Variants in B4GALT6 observed in about 807,000 individuals in gnomAD.
B4GALT6 encodes UDP-Gal:beta-GlcNAc beta-1,4-galactosyltransferase 6.
Under a neutral mutation model 46.3 loss-of-function variants are expected in B4GALT6, and 14 were observed. The observed-to-expected ratio is 0.30, with a 90% CI of 0.20 to 0.47. The LOEUF (loss-of-function observed/expected upper bound fraction) is 0.47, where lower values mean the gene tolerates loss of function less well. B4GALT6 is among the 20% of genes least tolerant of loss of function. B4GALT6 has a pLI of 0.99. For synonymous variants in B4GALT6, 168 were observed against 162.0 expected (o/e 1.04, Z -0.28); for missense variants, 386 against 480.1 (o/e 0.80, Z 1.83).
chr18:31,631,200 C>CTTT (rs10657836), intron 5 of B4GALT6, 54 bp from the exon 6 acceptor site: 12,584 of 1,142,898 alleles, frequency 0.011, 6 homozygotes, highest in African/African-American at 0.016. Flanking sequence ...ACTTCATCAT[C>CTTT]TTTTTTTTTT....
chr18:31,683,234 A>T (rs1351196320), intron 1 of B4GALT6, among the ~76,000 whole-genome samples: 2 of 152,122 alleles, frequency 1.3e-5, no homozygotes, highest in African/African-American at 4.8e-5. Context: ...AATCTACTAC[A>T]CTCAAGACAA....
chr18:31,647,795 G>C (rs2074009801), intron 3 of B4GALT6, among the ~76,000 whole-genome samples: 1 of 152,162 alleles, frequency 6.6e-6, no homozygotes, highest in Non-Finnish European at 1.5e-5. Flanking sequence ...AGAGTGGCCA[G>C]GAAGAAGTAT....
intron 3 of B4GALT6, among the ~76,000 whole-genome samples, chr18:31,655,561 G>C (rs1008884281): frequency 6.6e-6 from 1 of 152,160 alleles, no homozygotes. Flanking sequence ...TGGGGCGGGA[G>C]GAGAGGAGTA....
At chr18:31,681,675 G>A (rs920899490) in intron 1 of B4GALT6, among the ~76,000 whole-genome samples, 2 of 152,162 alleles carry the variant, frequency 1.3e-5, no homozygotes, top group African/African-American at 4.8e-5. Context: ...TGGCAAAGAA[G>A]AGGAACTAAA....
upstream of B4GALT6, among the ~76,000 whole-genome samples, chr18:31,687,026 A>G (rs2029947577): frequency 6.6e-6 from 1 of 152,258 alleles, no homozygotes; most frequent in Non-Finnish European, 1.5e-5. Flanking sequence ...TGAAGACTGT[A>G]CAGATGAACC....
chr18:31,674,804 T>C lies in B4GALT6; in HGVS notation c.116-8432A>G, dbSNP rs576882377. 1.2e-3 allele frequency among the ~76,000 whole-genome samples: 190 copies of C among 152,294 alleles called. 1 individual carries two copies. The highest frequency in any genetic ancestry group is 2.1e-3 in the Non-Finnish European group (141 of 68,010). On this transcript the variant is annotated intron_variant, in intron 1 of 8. Transcript: ENST00000306851. ...CACCTAGGACTAAGGAAGGTATTACTTGGATTAAAAACAAAAAATAACAAA... is the reference window on the plus strand; with the variant it reads ...CACCTAGGACTAAGGAAGGTATTACCTGGATTAAAAACAAAAAATAACAAA...
Position 31,684,495 on chromosome 18 carries a change from A to C in B4GALT6, c.-69T>G, listed in dbSNP as rs561043155. On this transcript the variant is annotated 5_prime_UTR_variant, in exon 1 of 9. It removes the in-frame stop codon of an upstream open reading frame in the 5' UTR. Coordinates refer to ENST00000306851, the MANE Select transcript of B4GALT6 (RefSeq NM_004775.5). ...GACTCGGGGCCACTGTCCAGGCCCTAAACTTCCATAAATGTGCTGAGAACC... is the reference window on the plus strand; with the variant it reads ...GACTCGGGGCCACTGTCCAGGCCCTCAACTTCCATAAATGTGCTGAGAACC... 2 of 1,566,902 alleles carry C rather than the reference A, an allele frequency of 1.3e-6. No individual in the cohort carries two copies. The highest frequency in any genetic ancestry group is 1.9e-5 in the Admixed American group (1 of 52,988).
intron 1 of B4GALT6, among the ~76,000 whole-genome samples, chr18:31,679,656 T>A: frequency 6.6e-6 from 1 of 152,184 alleles, no homozygotes; most frequent in East Asian, 1.9e-4. Flanking sequence ...ACCTACATGA[T>A]GAAGACAATC....
the B4GALT6 span, among the ~76,000 whole-genome samples, chr18:31,717,717 G>T: frequency 6.6e-5 from 10 of 152,088 alleles, no homozygotes; most frequent in East Asian, 1.5e-3. Flanking sequence ...CACTTTGGGA[G>T]GCCGAGGCAG....
At chr18:31,713,529 A>G in the B4GALT6 span, among the ~76,000 whole-genome samples, 3,702 of 152,176 alleles carry the variant, frequency 0.024, 158 homozygotes, top group African/African-American at 0.085. Flanking sequence ...ACTTGCCCAA[A>G]CTTGTCCATT....
At chr18:31,694,539 T>G in the B4GALT6 span, among the ~76,000 whole-genome samples, 1 of 152,318 alleles carries the variant, frequency 6.6e-6, no homozygotes, top group South Asian at 2.1e-4. Flanking sequence ...AAACAGCCAG[T>G]ATACCAAGGA....
At chr18:31,630,931 A>T in intron 6 of B4GALT6, 28 bp downstream of exon 6, 1 of 1,610,026 alleles carries the variant, frequency 6.2e-7, no homozygotes, top group Middle Eastern at 1.7e-4. Context: ...TATATCGTAC[A>T]ATATCAGGAA....
chr18:31,709,599 GTGTGTA>G, the B4GALT6 span, among the ~76,000 whole-genome samples: 61 of 80,652 alleles, frequency 7.6e-4, no homozygotes, highest in East Asian at 2.1e-3. Context: ...GTGTGTGTGT[GTGTGTA>G]TATATATATC....
chr18:31,677,025 T>C (rs1157641361), intron 1 of B4GALT6, among the ~76,000 whole-genome samples: 1 of 152,226 alleles, frequency 6.6e-6, no homozygotes, highest in African/African-American at 2.4e-5. Context: ...CTTTTGAATA[T>C]ACCACAATTC....
chr18:31,630,948 A>G lies in B4GALT6; in HGVS notation c.776+11T>C. The G allele has an allele frequency of 6.2e-7, 1 of 1,613,796 alleles. No homozygotes were observed. The highest frequency in any genetic ancestry group is 1.1e-5 in the South Asian group (1 of 91,070). ...TATCGTACAATATCAGGAATAGTGC[A>G]CACTACTTACATATACATGTATTTA... On this transcript the variant is annotated intron_variant, in intron 6 of 8. Transcript: ENST00000306851.
chr18:31,654,579 T>A (rs2074115494), intron 3 of B4GALT6, among the ~76,000 whole-genome samples: 1 of 152,226 alleles, frequency 6.6e-6, no homozygotes, highest in South Asian at 2.1e-4. Context: ...GTTTGAAAAA[T>A]TCACTTTATC....
chr18:31,685,281 G>A (rs373185400), upstream of B4GALT6, among the ~76,000 whole-genome samples: 83 of 143,166 alleles, frequency 5.8e-4, no homozygotes, highest in East Asian at 0.017. Flanking sequence ...ACCAGGCGAA[G>A]AGCAACCGGG....
In B4GALT6 at chr18:31,684,557, G is replaced by C; in HGVS notation, c.-131C>G. The C allele has an allele frequency of 6.8e-7, 1 of 1,468,400 alleles. No individual in the cohort carries two copies. Among genetic ancestry groups the C allele is most frequent in the Non-Finnish European group, 9.0e-7 (1 of 1,108,134 alleles). 91.0% of individuals were successfully genotyped at this position (1,468,400 alleles called of 1,614,324 possible). A position where few individuals can be genotyped will look rare whatever the true frequency, so the allele number is the denominator to read the frequency against. ...GCGGGGTCCGCGCGGGGAGGCTCTGGGGAGAGGGCCCGAGCGGAAAAGAGG... is the reference window on the plus strand; with the variant it reads ...GCGGGGTCCGCGCGGGGAGGCTCTGCGGAGAGGGCCCGAGCGGAAAAGAGG... On this transcript the variant is annotated 5_prime_UTR_variant, in exon 1 of 9. Coordinates refer to ENST00000306851, the MANE Select transcript of B4GALT6 (RefSeq NM_004775.5).
chr18:31,710,582 G>T, the B4GALT6 span, among the ~76,000 whole-genome samples: 1 of 152,048 alleles, frequency 6.6e-6, no homozygotes, highest in Admixed American at 6.6e-5. Flanking sequence ...CACAAGAAAC[G>T]AGGAGAGAAG....
Sources: allele counts gnomAD v4.1 joint callset (sites outside exome capture counted in the v4.1 genomes callset), GRCh38; gene constraint gnomAD v4.1.1; transcripts MANE v1.5; gene names NCBI Gene and HGNC (gene_info 2026-07-23, HGNC 2026-07-21).